The following CNTNAP3B variants were observed in gnomAD, a reference collection of about 807,000 sequenced individuals.
CNTNAP3B encodes contactin associated protein family member 3B.
In CNTNAP3B, 25 loss-of-function variants were observed where a neutral mutation model predicts 108.9. That is an observed-to-expected ratio of 0.23 (90% CI 0.17 to 0.32). The LOEUF is 0.32. Ranked by LOEUF, CNTNAP3B falls within the 10% of genes least tolerant of loss-of-function variation. CNTNAP3B has a pLI of 1.00. For missense variants in CNTNAP3B, 252 were observed against 1,210.4 expected, an observed-to-expected ratio of 0.21 and a Z score of 11.75; for synonymous variants, 103 against 473.4, an observed-to-expected ratio of 0.22 and a Z score of 10.16.
chr9:41,915,689 G>T (rs1363141629), intron 18 of CNTNAP3B, among the ~76,000 whole-genome samples: 5 of 145,596 alleles, frequency 3.4e-5, no homozygotes, highest in Non-Finnish European at 7.6e-5. Flanking sequence ...AATCATGAAA[G>T]GTTACTGGAG....
chr9:41,936,231 C>T (rs1212770978), intron 14 of CNTNAP3B, among the ~76,000 whole-genome samples: 11 of 152,238 alleles, frequency 7.2e-5, no homozygotes, highest in Admixed American at 1.3e-4. Flanking sequence ...GAGCTGAGAT[C>T]GCACCACTGC....
chr9:41,926,604 G>A (rs1823827201), intron 15 of CNTNAP3B: 1 of 152,310 alleles, frequency 6.6e-6, no homozygotes, highest in South Asian at 2.1e-4. Context: ...TGGGACTACA[G>A]GCCACCATGC....
chr9:41,961,653 G>A (rs1825095747), intron 11 of CNTNAP3B, among the ~76,000 whole-genome samples: 2 of 152,412 alleles, frequency 1.3e-5, no homozygotes, highest in African/African-American at 4.8e-5. Context: ...GAATTTATAA[G>A]CTATCAACTT....
At chr9:42,068,062 G>C (rs555307223) in intron 3 of CNTNAP3B, among the ~76,000 whole-genome samples, 1 of 137,154 alleles carries the variant, frequency 7.3e-6, no homozygotes, top group African/African-American at 2.9e-5. Context: ...AGAGGATACT[G>C]CTTGAAACAA....
chr9:42,030,651 C>T (rs1380515516), intron 3 of CNTNAP3B, among the ~76,000 whole-genome samples: 2 of 68,766 alleles, frequency 2.9e-5, no homozygotes, highest in South Asian at 6.3e-4. Context: ...CAGCCCAGTG[C>T]GACCCCTGAG....
intron 15 of CNTNAP3B, among the ~76,000 whole-genome samples, chr9:41,928,151 C>T (rs1823871005): frequency 6.6e-6 from 1 of 152,288 alleles, no homozygotes; most frequent in Non-Finnish European, 1.5e-5. Flanking sequence ...TTTCACCCTA[C>T]TTGCAAGCTA....
chr9:41,973,238 C>T (rs1340539744), intron 9 of CNTNAP3B, among the ~76,000 whole-genome samples: 8 of 145,330 alleles, frequency 5.5e-5, no homozygotes, highest in Admixed American at 3.4e-4. Flanking sequence ...TAAGCCACAG[C>T]GCCCAGCCAG....
chr9:41,934,169 A>G (rs1824078194), intron 14 of CNTNAP3B, among the ~76,000 whole-genome samples: 1 of 130,536 alleles, frequency 7.7e-6, no homozygotes, highest in Admixed American at 7.7e-5. Flanking sequence ...ACACACACAC[A>G]TATATATACA....
At chr9:41,929,513 CTT>C (rs1273444202) in intron 14 of CNTNAP3B, 69 bp from the exon 15 acceptor site, 1 of 1,491,422 alleles carries the variant, frequency 6.7e-7, no homozygotes, top group African/African-American at 1.6e-5. Context: ...ACTCTGATCT[CTT>C]ATCTCAATTT....
At position 42,095,188 on chromosome 9, in the gene CNTNAP3B, C is replaced by T. The variant is rs558008117; in HGVS notation, c.196+9441G>A. On this transcript the variant is annotated intron_variant, in intron 2 of 23. Transcript: ENST00000377561. ...CCCCCTTCCCTATCCACCTTCTCCT[C>T]TAGCGTCTGGTAACCACCATTCTAC... is the stretch of plus-strand genomic sequence containing the variant. Among the ~76,000 whole-genome samples the T allele has an allele frequency of 1.0e-4, 14 of 138,652 alleles. 3 individuals are homozygous for T. In the South Asian group the frequency reaches 2.8e-3, roughly 28 times the overall value. The allele number at this position is 138,652 out of a possible 152,430, so 91.0% of individuals were successfully genotyped here. A position where few individuals can be genotyped will look rare whatever the true frequency, so the allele number is the denominator to read the frequency against.
At chr9:41,961,381 AC>A (rs1564159962) in intron 11 of CNTNAP3B, among the ~76,000 whole-genome samples, 2 of 152,308 alleles carry the variant, frequency 1.3e-5, no homozygotes, top group East Asian at 1.9e-4. Context: ...CGAGAGGAAA[AC>A]TTTGTGAATC....
intron 1 of CNTNAP3B, among the ~76,000 whole-genome samples, chr9:42,118,030 A>T (rs1828361568): frequency 7.5e-6 from 1 of 132,728 alleles, no homozygotes; most frequent in Non-Finnish European, 1.6e-5. Flanking sequence ...TGAGGCAATA[A>T]GTAATAGCTT....
Position 42,088,847 on chromosome 9 carries a change from C to T in CNTNAP3B, c.197-11785G>A, listed in dbSNP as rs886574449. 4.3e-5 allele frequency among the ~76,000 whole-genome samples: 6 copies of T among 139,370 alleles called. 1 individual carries two copies. Among genetic ancestry groups the T allele is most frequent in the Admixed American group, 1.4e-4 (2 of 13,826 alleles). 91.4% of individuals were successfully genotyped at this position (139,370 alleles called of 152,430 possible). A position where few individuals can be genotyped will look rare whatever the true frequency, so the allele number is the denominator to read the frequency against. On this transcript the variant is annotated intron_variant, in intron 2 of 23. Transcript: ENST00000377561. Reference sequence around the variant, plus strand: ...CATATGTAAATTGGCACATCTAACACCTAGGCACATTGGGAAGCTTAGTGT... The same window carrying T: ...CATATGTAAATTGGCACATCTAACATCTAGGCACATTGGGAAGCTTAGTGT...
At chr9:41,961,240 A>G (rs556206165) in intron 11 of CNTNAP3B, among the ~76,000 whole-genome samples, 186 of 152,322 alleles carry the variant, frequency 1.2e-3, no homozygotes, top group Admixed American at 2.6e-3. Context: ...TGGGAATGCG[A>G]TACTATCTTC....
rs1826154332 is a variant in CNTNAP3B, at chr9:42,012,832, C to A, written c.538+546G>T. Among the ~76,000 whole-genome samples, 2 of 93,860 alleles carry A rather than the reference C, an allele frequency of 2.1e-5. 1 individual carries two copies. Among genetic ancestry groups the A allele is most frequent in the Admixed American group, 2.2e-4 (2 of 8,992 alleles). The allele number at this position is 93,860 out of a possible 152,430, so 61.6% of individuals were successfully genotyped here. A position where few individuals can be genotyped will look rare whatever the true frequency, so the allele number is the denominator to read the frequency against. Reference sequence around the variant, plus strand: ...TGTGTTATATTCATGTCGGCCCCATCCTTTCCACTTTTATAACAAAGAATA... The same window carrying A: ...TGTGTTATATTCATGTCGGCCCCATACTTTCCACTTTTATAACAAAGAATA... On this transcript the variant is annotated intron_variant, in intron 4 of 23. Transcript: ENST00000377561.
intron 15 of CNTNAP3B, among the ~76,000 whole-genome samples, chr9:41,924,628 C>T (rs1399863617): frequency 2.0e-5 from 3 of 148,112 alleles, no homozygotes; most frequent in Admixed American, 1.3e-4. Flanking sequence ...AGAACACAGA[C>T]TCTTGCTTTC....
At chr9:42,128,280 G>T (rs1445957009) in intron 1 of CNTNAP3B, among the ~76,000 whole-genome samples, 1 of 139,896 alleles carries the variant, frequency 7.1e-6, no homozygotes, top group Admixed American at 7.1e-5. Context: ...AGAAATAAAA[G>T]CTTCCTAGGT....
Position 42,079,670 on chromosome 9 carries a change from T to C in CNTNAP3B, c.197-2608A>G, listed in dbSNP as rs1396018120. On this transcript the variant is annotated intron_variant, in intron 2 of 23. Transcript: ENST00000377561. ...CCAAGTAGCCGGGATTACAGGTACA[T>C]GCCACCACGCCCAGCTAATTTTTGT... 2.2e-5 allele frequency among the ~76,000 whole-genome samples: 3 copies of C among 136,604 alleles called. 1 individual carries two copies. Among genetic ancestry groups the C allele is most frequent in the African/African-American group, 8.8e-5 (3 of 33,970 alleles). The allele number at this position is 136,604 out of a possible 152,430, so 89.6% of individuals were successfully genotyped here.
At chr9:42,023,210 ATCTC>A (rs1246817175) in intron 3 of CNTNAP3B, among the ~76,000 whole-genome samples, 1 of 140,658 alleles carries the variant, frequency 7.1e-6, no homozygotes, top group Non-Finnish European at 1.5e-5. Context: ...GTGCACTTGA[ATCTC>A]TCAGGCTGCC....
Sources: gnomAD v4.1 joint callset for allele counts (sites outside exome capture counted in the v4.1 genomes callset) on GRCh38, gnomAD v4.1.1 for gene constraint, MANE v1.5 for transcripts, NCBI Gene and HGNC (gene_info 2026-07-23, HGNC 2026-07-21) for gene names.